Variants in PTPRG observed in about 807,000 individuals in gnomAD.
PTPRG encodes protein tyrosine phosphatase receptor type G.
In PTPRG, 102 loss-of-function variants were observed where a neutral mutation model predicts 165.3. The ratio of observed to expected loss-of-function variants is 0.62; its 90% CI spans 0.53 to 0.73. PTPRG has a LOEUF of 0.73. Ranked by LOEUF, PTPRG falls within the 30% of genes least tolerant of loss-of-function variation. The pLI, the probability that PTPRG is intolerant of heterozygous loss-of-function variation, is 0.00. For synonymous variants in PTPRG, 675 were observed against 669.5 expected, an observed-to-expected ratio of 1.01 and a Z score of -0.13; for missense variants, 1,866 against 1,861.4, an observed-to-expected ratio of 1.00 and a Z score of -0.05.
Position 62,240,653 on chromosome 3 carries a change from T to C in PTPRG, c.2376-3154T>C, listed in dbSNP as rs1447124136. On this transcript the variant is annotated intron_variant, in intron 14 of 29. Transcript: ENST00000474889. This position sits in a 1 kb window ranked among gnomAD's most constrained non-coding sequence, Gnocchi z 5.1. ...TCTCCAACCTTGCTTTCCACAGCCTTTCCCTTGCCTCTGGCTTCCTTCCAG... is the reference window on the plus strand; with the variant it reads ...TCTCCAACCTTGCTTTCCACAGCCTCTCCCTTGCCTCTGGCTTCCTTCCAG... Among the ~76,000 whole-genome samples the C allele has an allele frequency of 2.6e-5, 4 of 152,180 alleles. No individual in the cohort carries two copies. Among genetic ancestry groups the C allele is most frequent in the Non-Finnish European group, 5.9e-5 (4 of 68,030 alleles).
At position 62,177,463 on chromosome 3, in the gene PTPRG, A is replaced by G. The variant is rs1309609319; in HGVS notation, c.1033+9300A>G. Among the ~76,000 whole-genome samples the G allele has an allele frequency of 2.0e-5, 3 of 152,222 alleles. No individual in the cohort carries two copies. The South Asian group carries it at 6.2e-4, about 32-fold the overall frequency. On this transcript the variant is annotated intron_variant, in intron 8 of 29. Transcript: ENST00000474889. ...CTTTGTATGCCCAGGACAACCTGTT[A>G]TATGTGACATGATCATTGGAGAACG...
intron 2 of PTPRG, among the ~76,000 whole-genome samples, chr3:61,834,712 C>T (rs2107307033): frequency 6.6e-6 from 1 of 152,236 alleles, no homozygotes; most frequent in South Asian, 2.1e-4. Context: ...ACTCAGGAAG[C>T]TGAGGCAGGA....
chr3:61,784,284 C>T (rs999299301), intron 2 of PTPRG, among the ~76,000 whole-genome samples: 7 of 151,992 alleles, frequency 4.6e-5, no homozygotes, highest in South Asian at 2.1e-4. Context: ...GGTTGGGGGA[C>T]GGGGTTAGGT....
intron 5 of PTPRG, among the ~76,000 whole-genome samples, chr3:62,078,575 T>TA (rs11434099): frequency 0.19 from 28,937 of 151,214 alleles, 3,557 homozygotes; most frequent in Non-Finnish European, 0.28. Context: ...GAGACTGATA[T>TA]AAAAAAAAAG....
In PTPRG at chr3:62,265,896, T is replaced by TATATATACACACACACACAC. The variant is rs1553662684; in HGVS notation, c.2657-1513_2657-1512insTATATACACACACACACACA. Reference sequence around the variant, plus strand: ...CACACGTATACATCTGTGCCTTATATACACACACACACACACACACACACA... The same window carrying TATATATACACACACACACAC: ...CACACGTATACATCTGTGCCTTATATATATATACACACACACACACACACACACACACACACACACACACA... On this transcript the variant is annotated intron_variant, in intron 17 of 29. Coordinates refer to ENST00000474889, the MANE Select transcript of PTPRG (RefSeq NM_002841.4). Among the ~76,000 whole-genome samples the TATATATACACACACACACAC allele has an allele frequency of 1.1e-3, 150 of 130,608 alleles. 1 individual carries two copies. In the Middle Eastern group the frequency reaches 0.032, roughly 28 times the overall value. 85.7% of individuals were successfully genotyped at this position (130,608 alleles called of 152,430 possible).
At chr3:61,786,248 A>C (rs2034698436) in intron 2 of PTPRG, among the ~76,000 whole-genome samples, 1 of 152,222 alleles carries the variant, frequency 6.6e-6, no homozygotes, top group Non-Finnish European at 1.5e-5. Context: ...GCCAATGGAC[A>C]CTTTAGCTTC....
intron 4 of PTPRG, among the ~76,000 whole-genome samples, chr3:62,075,207 G>A (rs570062239): frequency 2.6e-4 from 39 of 152,232 alleles, no homozygotes; most frequent in African/African-American, 7.0e-4. Flanking sequence ...TGTATCACAC[G>A]CTATTCGGGT....
chr3:61,693,980 C>G (rs1181493239), intron 1 of PTPRG, among the ~76,000 whole-genome samples: 1 of 148,400 alleles, frequency 6.7e-6, no homozygotes, highest in East Asian at 2.0e-4. Context: ...TGCACTCCAG[C>G]CTGGGTGACA....
intron 1 of PTPRG, among the ~76,000 whole-genome samples, chr3:61,688,266 G>A (rs1703703892): frequency 6.6e-6 from 1 of 152,174 alleles, no homozygotes; most frequent in East Asian, 1.9e-4. Context: ...GTGTTGCCCT[G>A]GAGAATTGTT....
chr3:62,033,134 C>T (rs1016672932), intron 4 of PTPRG, among the ~76,000 whole-genome samples: 13 of 152,062 alleles, frequency 8.5e-5, no homozygotes, highest in African/African-American at 3.1e-4. Context: ...TACTCTTTCC[C>T]CTTTTCTCTC....
chr3:62,215,548 C>CG (rs1322707832), intron 12 of PTPRG, among the ~76,000 whole-genome samples: 11 of 127,844 alleles, frequency 8.6e-5, no homozygotes, highest in African/African-American at 2.3e-4. Flanking sequence ...CTACGGGAAC[C>CG]CCCCCCCCCC....
chr3:62,199,708 C>T (rs926226440), intron 10 of PTPRG, among the ~76,000 whole-genome samples: 1 of 152,140 alleles, frequency 6.6e-6, no homozygotes, highest in African/African-American at 2.4e-5. Flanking sequence ...TCGCTAATCT[C>T]TCAGTGTATA....
intron 1 of PTPRG, among the ~76,000 whole-genome samples, chr3:61,643,097 C>T (rs1702107516): frequency 6.6e-6 from 1 of 151,902 alleles, no homozygotes; most frequent in African/African-American, 2.4e-5. Flanking sequence ...AAATAAATTA[C>T]AAGAAAGGAA....
At chr3:61,854,498 A>G (rs1277098729) in intron 2 of PTPRG, among the ~76,000 whole-genome samples, 1 of 152,142 alleles carries the variant, frequency 6.6e-6, no homozygotes, top group Non-Finnish European at 1.5e-5. Context: ...TTGTTCTCCT[A>G]AGGTCTGTGC....
At chr3:61,940,104 G>C (rs908051213) in intron 2 of PTPRG, among the ~76,000 whole-genome samples, 9 of 151,826 alleles carry the variant, frequency 5.9e-5, no homozygotes, top group African/African-American at 2.2e-4. Flanking sequence ...CTACCACCAT[G>C]CCTGGCTGAT....
rs763014506 is a variant in PTPRG at position 62,195,046 on chromosome 3, CCTT to C, written c.1219-12_1219-10del. ...CTTCAAAACTAACTCACTGCTTTTTCCTTCTTTACTTACAGAAAGCCACCATTA... is the reference window on the plus strand; with the variant it reads ...CTTCAAAACTAACTCACTGCTTTTTCCTTTACTTACAGAAAGCCACCATTA... On this transcript the variant is annotated splice_polypyrimidine_tract_variant and intron_variant, in intron 9 of 29. Transcript: ENST00000474889. This position sits in a 1 kb window ranked among gnomAD's most constrained non-coding sequence, Gnocchi z 4.4. The C allele has an allele frequency of 2.5e-6, 4 of 1,611,602 alleles. No individual in the cohort carries two copies. The South Asian group carries it at 4.4e-5, about 18-fold the overall frequency.
intron 2 of PTPRG, among the ~76,000 whole-genome samples, chr3:61,813,592 T>TGTGTGTGTG (rs58092182): frequency 6.9e-6 from 1 of 145,826 alleles, no homozygotes; most frequent in African/African-American, 2.5e-5. Flanking sequence ...TGTGTGTGTG[T>TGTGTGTGTG]TTAGTTGTAC....
intron 6 of PTPRG, among the ~76,000 whole-genome samples, chr3:62,147,074 A>G (rs1203892728): frequency 1.3e-5 from 2 of 152,228 alleles, no homozygotes; most frequent in Non-Finnish European, 2.9e-5. Flanking sequence ...CCAGGTCTTA[A>G]CAACCTATGA....
chr3:61,999,937 A>T (rs1460096132), intron 3 of PTPRG, among the ~76,000 whole-genome samples: 1 of 152,160 alleles, frequency 6.6e-6, no homozygotes. Flanking sequence ...GAAATAATTC[A>T]GAAAAGGCAG....
Sources: gnomAD v4.1 joint callset for allele counts (sites outside exome capture counted in the v4.1 genomes callset) on GRCh38, gnomAD v4.1.1 for gene constraint, Gnocchi (gnomAD v3.1) non-coding constraint, MANE v1.5 for transcripts, NCBI Gene and HGNC (gene_info 2026-07-23, HGNC 2026-07-21) for gene names.